EPPK1: variants seen among roughly 807,000 people sequenced by gnomAD.
EPPK1 encodes the protein epiplakin 1.
For missense variants in EPPK1, 3,823 were observed against 3,673.3 expected, an observed-to-expected ratio of 1.04 and a Z score of -1.05; for synonymous variants, 1,862 against 1,721.2, an observed-to-expected ratio of 1.08 and a Z score of -2.03.
rs1360747826 is a variant in EPPK1, at chr8:143,867,219, G to A, written c.6035C>T (p.Ala2012Val). The A allele has an allele frequency of 4.3e-6, 7 of 1,612,530 alleles. No individual in the cohort carries two copies. Among genetic ancestry groups the A allele is most frequent in the African/African-American group, 1.3e-5 (1 of 74,902 alleles). Residue 2012 changes from alanine (A) to valine (V), a missense_variant, in exon 2 of 2, where the codon GCC becomes GTC. Coordinates refer to ENST00000615648, the MANE Select transcript of EPPK1 (RefSeq NM_031308.4). ...CTGTGGGTCGATGACACCCCCCGTG[G>A]CCACCTGCACCTCCAGCAGCCTCAG... ...EALRLLEVQV[A>V]TGGVIDPQHH...
rs781881049 is a variant in EPPK1, at chr8:143,868,081, T to C, written c.5173A>G (p.Thr1725Ala). The change falls in exon 2 of 2, where the codon ACC becomes GCC. Residue 1725 changes from threonine to alanine, a missense_variant. Physicochemically the swap from Thr to Ala is moderately conservative, Grantham distance 58. Transcript: ENST00000615648. ...NRILADPSDD[T>A]KGFFDPNTHE... is the part of the protein sequence containing the mutation. ...GTGTTGGGGTCGAAGAAGCCCTTGGTGTCGTCGCTGGGGTCCGCCAGGATG... is the reference window on the plus strand; with the variant it reads ...GTGTTGGGGTCGAAGAAGCCCTTGGCGTCGTCGCTGGGGTCCGCCAGGATG... The C allele has an allele frequency of 1.1e-5, 18 of 1,613,406 alleles. No homozygotes were observed. The highest frequency in any genetic ancestry group is 1.5e-5 in the Non-Finnish European group (18 of 1,180,030).
upstream of EPPK1, among the ~76,000 whole-genome samples, chr8:143,879,014 C>T (rs1441499464): frequency 6.6e-6 from 1 of 152,198 alleles, no homozygotes; most frequent in African/African-American, 2.4e-5. Context: ...GCTCCTCCAC[C>T]TGGGCACAGA....
chr8:143,866,609 G>A lies in EPPK1; in HGVS notation c.6645C>T (p.Arg2215=), dbSNP rs74184133. 4.4e-5 allele frequency: 71 copies of A among 1,612,708 alleles called. No homozygotes were observed. Among genetic ancestry groups the A allele is most frequent in the East Asian group, 4.5e-5 (2 of 44,892 alleles). ...TGGTGCCCTCCAGGTAGCGCTTGACGCGGTCGTCCTCCATGAGCTCTTGCG... is the reference window on the plus strand; with the variant it reads ...TGGTGCCCTCCAGGTAGCGCTTGACACGGTCGTCCTCCATGAGCTCTTGCG... The part of the protein sequence containing the change: ...STTQELMEDD[R]VKRYLEGTSC... Residue 2215 remains arginine, a synonymous_variant, in exon 2 of 2, where the codon CGC becomes CGT. Transcript: ENST00000615648.
chr8:143,867,940 C>A lies in EPPK1; in HGVS notation c.5314G>T (p.Ala1772Ser). ...KGENYVYINE[A>S]TRHVLQSRTA... ...CTGGATTGCAACACGTGTCTCGTGG[C>A]CTCATTGATGTACACGTAGTTTTCT... is the stretch of plus-strand genomic sequence containing the variant. Residue 1772 changes from alanine to serine, a missense_variant, in exon 2 of 2, where the codon GCC becomes TCC. Coordinates refer to ENST00000615648, the MANE Select transcript of EPPK1 (RefSeq NM_031308.4). 6.2e-7 allele frequency: 1 copy of A among 1,613,662 alleles called. No homozygotes were observed. The highest frequency in any genetic ancestry group is 1.6e-4 in the Middle Eastern group (1 of 6,062).
upstream of EPPK1, among the ~76,000 whole-genome samples, chr8:143,878,816 T>C (rs2130667315): frequency 6.6e-6 from 1 of 152,080 alleles, no homozygotes; most frequent in East Asian, 1.9e-4. Flanking sequence ...CGGTGCGGGC[T>C]GGTGTCCCTG....
chr8:143,875,487 C>A lies in EPPK1; in HGVS notation c.-45-2189G>T, dbSNP rs1266521593. 2.6e-5 allele frequency among the ~76,000 whole-genome samples: 4 copies of A among 152,274 alleles called. No individual in the cohort carries two copies. In the East Asian group the frequency reaches 5.8e-4, roughly 22 times the overall value. On this transcript the variant is annotated intron_variant, in intron 1 of 1. Coordinates refer to ENST00000615648, the MANE Select transcript of EPPK1 (RefSeq NM_031308.4). ...ACTGGCCGAGTGCAGAGAGCCAGGG[C>A]TCCAGGAAGCAGCATTGCAGCTCAG... is the stretch of plus-strand genomic sequence containing the variant.
rs1554661864 is a variant in EPPK1 at position 143,873,131 on chromosome 8, C to T, written c.123G>A (p.Arg41=). 1 of 1,581,750 alleles carries T rather than the reference C, an allele frequency of 6.3e-7. No individual in the cohort carries two copies. Among genetic ancestry groups the T allele is most frequent in the East Asian group, 2.2e-5 (1 of 44,694 alleles). ...GAGTPPRPQA[R]SIAGVYVEAS... ...CCTCCACATACACCCCAGCTATGCT[C>T]CTGGCCTGGGGCCTGGGGGGCGTGC... is the stretch of plus-strand genomic sequence containing the variant. The change falls in exon 2 of 2, where the codon AGG becomes AGA. Residue 41 remains arginine (R), a synonymous_variant. Coordinates refer to ENST00000615648, the MANE Select transcript of EPPK1 (RefSeq NM_031308.4).
upstream of EPPK1, among the ~76,000 whole-genome samples, chr8:143,879,119 G>T (rs1277773298): frequency 6.6e-6 from 1 of 152,212 alleles, no homozygotes; most frequent in Non-Finnish European, 1.5e-5. Flanking sequence ...GAGACACTGG[G>T]CATGGAGGCT....
Position 143,870,528 on chromosome 8 carries a change from C to T in EPPK1, c.2726G>A (p.Gly909Glu). ...TAGGAGGGCCTCCGGGCTGATTGTC[C>T]CGGCCAGCACTTGGTCCAACAGCTG... ...DQQLLDQVLA[G>E]TISPEALLLM... The change falls in exon 2 of 2, where the codon GGG (glycine) becomes GAG (glutamate). Residue 909 changes from glycine (G) to glutamate (E), a missense_variant. By Grantham distance (98) the Gly-to-Glu change is moderately conservative. Coordinates refer to ENST00000615648, the MANE Select transcript of EPPK1 (RefSeq NM_031308.4). The surrounding 1 kb of genome is among the most constrained non-coding windows in gnomAD (Gnocchi z 5.2). The T allele has an allele frequency of 6.2e-7, 1 of 1,610,070 alleles. No homozygotes were observed. Among genetic ancestry groups the T allele is most frequent in the South Asian group, 1.1e-5 (1 of 90,964 alleles).
chr8:143,875,927 G>T (rs968401886), intron 1 of EPPK1, among the ~76,000 whole-genome samples: 5 of 146,536 alleles, frequency 3.4e-5, no homozygotes, highest in Admixed American at 1.4e-4. Context: ...AGGAACCAAG[G>T]CCTGGCACAG....
In EPPK1 at chr8:143,867,366, TCC is replaced by T; in HGVS notation, c.5886_5887del (p.Glu1963AlafsTer9). On this transcript the variant is annotated frameshift_variant, in exon 2 of 2. Transcript: ENST00000615648. LOFTEE classifies it low-confidence loss of function (END_TRUNC). ...AGCCTTCAGGAGCCTCTCCCGCAGC[TCC>T]TCGTTCACCAGGCCCACATCCACAG... 6.2e-7 allele frequency: 1 copy of T among 1,612,886 alleles called. No homozygotes were observed. The highest frequency in any genetic ancestry group is 8.5e-7 in the Non-Finnish European group (1 of 1,179,874).
rs781899397 is a variant in EPPK1 at position 143,869,846 on chromosome 8, C to T, written c.3408G>A (p.Pro1136=). Residue 1136 remains proline (P), a synonymous_variant, in exon 2 of 2, where the codon CCG becomes CCA. Coordinates refer to ENST00000615648, the MANE Select transcript of EPPK1 (RefSeq NM_031308.4). ...EQVQRSLQAV[P]GAKDGTSLWD... ...AGAGGGATGTGCCATCCTTGGCCCC[C>T]GGCACGGCCTGCAGGCTCCTCTGGA... The T allele has an allele frequency of 2.9e-5, 47 of 1,598,874 alleles. No individual in the cohort carries two copies. Among genetic ancestry groups the T allele is most frequent in the African/African-American group, 2.0e-4 (15 of 74,804 alleles).
rs368610834 is a variant in EPPK1 at position 143,868,108 on chromosome 8, G to A, written c.5146C>T (p.Arg1716Cys). Reference sequence around the variant, plus strand: ...TCGTCGCTGGGGTCCGCCAGGATGCGGTTCATCTCCTCGTCGAAGTAGCCG... The same window carrying A: ...TCGTCGCTGGGGTCCGCCAGGATGCAGTTCATCTCCTCGTCGAAGTAGCCG... Reference protein sequence around the residue: ...RCGYFDEEMNRILADPSDDTK... With the variant: ...RCGYFDEEMNCILADPSDDTK... Residue 1716 changes from arginine (R) to cysteine (C), a missense_variant, in exon 2 of 2, where the codon CGC becomes TGC. Transcript: ENST00000615648. The A allele has an allele frequency of 2.5e-5, 41 of 1,613,178 alleles. No individual in the cohort carries two copies. Among genetic ancestry groups the A allele is most frequent in the South Asian group, 1.4e-4 (13 of 91,074 alleles).
At position 143,873,122 on chromosome 8, in the gene EPPK1, A is replaced by G; in HGVS notation, c.132T>C (p.Ala44=). 3.2e-6 allele frequency: 5 copies of G among 1,575,706 alleles called. No homozygotes were observed. In the South Asian group the frequency reaches 4.7e-5, roughly 15 times the overall value. ...GGCCCGAGGCCTCCACATACACCCC[A>G]GCTATGCTCCTGGCCTGGGGCCTGG... ...TPPRPQARSI[A]GVYVEASGQA... Residue 44 remains alanine, a synonymous_variant, in exon 2 of 2, where the codon GCT becomes GCC. Coordinates refer to ENST00000615648, the MANE Select transcript of EPPK1 (RefSeq NM_031308.4).
chr8:143,870,289 G>A lies in EPPK1; in HGVS notation c.2965C>T (p.Arg989Cys), dbSNP rs570137863. The stretch of plus-strand genomic sequence containing the variant: ...AGCTCCGGCCCCACCACACCCCTGC[G>A]CACGGCCTCATCCACCGAGAGGCTC... Reference protein sequence around the residue: ...PESLSVDEAVRRGVVGPELYG... With the variant: ...PESLSVDEAVCRGVVGPELYG... Residue 989 changes from arginine (R) to cysteine (C), a missense_variant, in exon 2 of 2, where the codon CGC (arginine) becomes TGC (cysteine). Transcript: ENST00000615648. The surrounding 1 kb of genome is among the most constrained non-coding windows in gnomAD (Gnocchi z 5.2). 36 of 1,584,770 alleles carry A rather than the reference G, an allele frequency of 2.3e-5. No homozygotes were observed. Among genetic ancestry groups the A allele is most frequent in the Middle Eastern group, 1.7e-4 (1 of 5,928 alleles).
Position 143,867,137 on chromosome 8 carries a change from G to A in EPPK1, c.6117C>T (p.Asp2039=), listed in dbSNP as rs1554659348. 5.0e-6 allele frequency: 8 copies of A among 1,612,822 alleles called. No homozygotes were observed. Among genetic ancestry groups the A allele is most frequent in the Non-Finnish European group, 5.1e-6 (6 of 1,179,714 alleles). The change falls in exon 2 of 2, where the codon GAC becomes GAT. Residue 2039 remains aspartate (D), a synonymous_variant. Coordinates refer to ENST00000615648, the MANE Select transcript of EPPK1 (RefSeq NM_031308.4). The part of the protein sequence containing the change: ...TAYRRGCLHK[D]IYALISDQKH... ...TCTGGTCGGAAATGAGCGCATAGAT[G>A]TCCTTGTGCAGACAGCCCCGTCTGT...
rs1195879401 is a variant in EPPK1, at chr8:143,866,625, A to C, written c.6629T>G (p.Leu2210Arg). Residue 2210 changes from leucine (L) to arginine (R), a missense_variant, in exon 2 of 2, where the codon CTC (leucine) becomes CGC (arginine). Transcript: ENST00000615648. ...GCGCTTGACGCGGTCGTCCTCCATG[A>C]GCTCTTGCGTCGTGCTCCGTCCCGT... ...LETGRSTTQELMEDDRVKRYL... is the reference protein window; with the variant it reads ...LETGRSTTQERMEDDRVKRYL... The C allele has an allele frequency of 6.2e-7, 1 of 1,612,776 alleles. No individual in the cohort carries two copies. The highest frequency in any genetic ancestry group is 8.5e-7 in the Non-Finnish European group (1 of 1,179,852).
rs781948875 is a variant in EPPK1, at chr8:143,871,528, C to T, written c.1726G>A (p.Glu576Lys). Residue 576 changes from glutamate to lysine, a missense_variant, in exon 2 of 2, where the codon GAG becomes AAG. By Grantham distance (56) the Glu-to-Lys change is moderately conservative (BLOSUM62 1). Coordinates refer to ENST00000615648, the MANE Select transcript of EPPK1 (RefSeq NM_031308.4). ...TVTPGELLKA[E>K]IIDQDLYERL... Reference sequence around the variant, plus strand: ...TCGTACAGGTCCTGGTCGATGATCTCGGCTTTCAGCAGCTCTCCTGGTGTC... The same window carrying T: ...TCGTACAGGTCCTGGTCGATGATCTTGGCTTTCAGCAGCTCTCCTGGTGTC... 2.5e-5 allele frequency: 41 copies of T among 1,609,804 alleles called. No homozygotes were observed. The highest frequency in any genetic ancestry group is 3.0e-5 in the Non-Finnish European group (35 of 1,178,842).
Position 143,871,792 on chromosome 8 carries a change from G to A in EPPK1, c.1462C>T (p.Arg488Trp), listed in dbSNP as rs782145079. 15 of 1,611,816 alleles carry A rather than the reference G, an allele frequency of 9.3e-6. No homozygotes were observed. The highest frequency in any genetic ancestry group is 5.3e-5 in the African/African-American group (4 of 74,946). ...GCTGTGGCCGTGCTCAGGGCCTGCC[G>A]AGTGCTGTACTTGATGAATGGGGGT... ...QGPPFIKYST[R>W]QALSTATATV... The change falls in exon 2 of 2, where the codon CGG becomes TGG. Residue 488 changes from arginine (R) to tryptophan (W), a missense_variant. Coordinates refer to ENST00000615648, the MANE Select transcript of EPPK1 (RefSeq NM_031308.4).
Sources: allele counts gnomAD v4.1 joint callset (sites outside exome capture counted in the v4.1 genomes callset), GRCh38; gene constraint gnomAD v4.1.1; non-coding constraint Gnocchi (gnomAD v3.1); transcripts MANE v1.5; gene names NCBI Gene and HGNC (gene_info 2026-07-23, HGNC 2026-07-21).